BDH2: variants seen among roughly 807,000 people sequenced by gnomAD.
BDH2 encodes the protein 3-hydroxybutyrate dehydrogenase 2, also known as dehydrogenase/reductase SDR family member 6.
A neutral mutation model predicts 33.2 loss-of-function variants in BDH2; 24 were observed. The observed-to-expected ratio is 0.72, with a 90% confidence interval of 0.52 to 1.02. The LOEUF (loss-of-function observed/expected upper bound fraction) is 1.02, where lower values mean the gene tolerates loss of function less well. BDH2 is among the 50% of genes least tolerant of loss of function. BDH2 has a pLI of 0.00. For synonymous variants in BDH2, 81 were observed against 101.6 expected (o/e 0.80, Z 1.22); for missense variants, 249 against 301.6 (o/e 0.83, Z 1.29).
At chr4:103,085,549 G>T in intron 6 of BDH2, 87 bp from the exon 7 acceptor site, 1 of 1,428,642 alleles carries the variant, frequency 7.0e-7, no homozygotes, top group Non-Finnish European at 9.6e-7. Flanking sequence ...TTTCCCAGTA[G>T]CCATTTTCAT....
intron 9 of BDH2, 131 bp from the exon 10 acceptor site, chr4:103,079,886 T>G: frequency 1.3e-6 from 1 of 776,730 alleles, no homozygotes; most frequent in South Asian, 1.7e-5. Flanking sequence ...CTTAAACACT[T>G]AATTCAGGGA....
chr4:103,098,327 G>A (rs1440768122), intron 1 of BDH2, among the ~76,000 whole-genome samples: 1 of 152,200 alleles, frequency 6.6e-6, no homozygotes, highest in Non-Finnish European at 1.5e-5. Flanking sequence ...TTGCAGCTAT[G>A]AATTCAAACC....
intron 4 of BDH2, 129 bp downstream of exon 4, chr4:103,092,471 C>T (rs1578508146): frequency 1.5e-6 from 1 of 668,366 alleles, no homozygotes; most frequent in Non-Finnish European, 2.6e-6. Context: ...TGTGTAAAAT[C>T]TAGCCATATT....
intron 1 of BDH2, chr4:103,099,028 A>G (rs1413650851): frequency 6.6e-6 from 1 of 152,198 alleles, no homozygotes; most frequent in East Asian, 1.9e-4. Flanking sequence ...AAAGATAAAC[A>G]TGGAATGTTT....
At chr4:103,085,497 A>G in intron 6 of BDH2, 35 bp from the exon 7 acceptor site, 1 of 1,559,662 alleles carries the variant, frequency 6.4e-7, no homozygotes, top group Non-Finnish European at 8.8e-7. Context: ...AATTGAAGGA[A>G]TAAAAAATGT....
intron 1 of BDH2, among the ~76,000 whole-genome samples, chr4:103,097,264 C>T (rs1172267939): frequency 1.3e-5 from 2 of 152,124 alleles, no homozygotes; most frequent in Non-Finnish European, 2.9e-5. Context: ...ACAATGCTGC[C>T]GATCCTCTTA....
At position 103,097,952 on chromosome 4, in the gene BDH2, C is replaced by CT. The variant is rs879487582; in HGVS notation, c.-20-1679dup. On this transcript the variant is annotated intron_variant, in intron 1 of 9. Transcript: ENST00000296424. ...TATTTCAGTTCTCTCTTTAGCCAAA[C>CT]TTTTTTTTTTTTATACCCAATATGC... is the stretch of plus-strand genomic sequence containing the variant. Among the ~76,000 whole-genome samples the CT allele has an allele frequency of 3.6e-3, 525 of 147,504 alleles. 3 individuals are homozygous for CT. Among genetic ancestry groups the CT allele is most frequent in the African/African-American group, 0.012 (478 of 40,438 alleles).
At chr4:103,081,992 A>G in intron 9 of BDH2, 89 bp downstream of exon 9, 1 of 1,076,006 alleles carries the variant, frequency 9.3e-7, no homozygotes, top group Non-Finnish European at 1.4e-6. Context: ...TATATGCCAC[A>G]AACTCTCTAA....
chr4:103,081,292 T>A (rs1276882797), intron 9 of BDH2, among the ~76,000 whole-genome samples: 1 of 152,196 alleles, frequency 6.6e-6, no homozygotes, highest in Non-Finnish European at 1.5e-5. Flanking sequence ...CAAGTAAGAA[T>A]TTTTAAAAAT....
chr4:103,083,423 T>C (rs747223624), intron 7 of BDH2, among the ~76,000 whole-genome samples: 2 of 152,220 alleles, frequency 1.3e-5, no homozygotes, highest in Non-Finnish European at 2.9e-5. Flanking sequence ...TCCTTGGTAA[T>C]TCAGGTGGCG....
At chr4:103,099,581 T>C (rs1471660057) in intron 1 of BDH2, among the ~76,000 whole-genome samples, 1 of 152,184 alleles carries the variant, frequency 6.6e-6, no homozygotes, top group Admixed American at 6.5e-5. Context: ...TAGGATACCG[T>C]AAGAATCCTT....
Position 103,096,250 on chromosome 4 carries a change from C to T in BDH2, c.5G>A (p.Gly2Asp). The T allele has an allele frequency of 6.2e-7, 1 of 1,613,552 alleles. No homozygotes were observed. The highest frequency in any genetic ancestry group is 1.7e-5 in the Admixed American group (1 of 59,998). The change falls in exon 2 of 10, where the codon GGT becomes GAT. Residue 2 changes from glycine to aspartate, a missense_variant. Physicochemically the swap from Gly to Asp is moderately conservative, Grantham distance 94. Coordinates refer to ENST00000296424, the MANE Select transcript of BDH2 (RefSeq NM_020139.4). M[G>D]RLDGKVIILT... Reference sequence around the variant, plus strand: ...GATGATGACTTTCCCATCAAGTCGACCCATAATGGAACCTGTGGTTTAATC... The same window carrying T: ...GATGATGACTTTCCCATCAAGTCGATCCATAATGGAACCTGTGGTTTAATC...
intron 5 of BDH2, among the ~76,000 whole-genome samples, chr4:103,090,446 G>A (rs2060671406): frequency 6.6e-6 from 1 of 152,230 alleles, no homozygotes; most frequent in African/African-American, 2.4e-5. Flanking sequence ...ATCAAAACAA[G>A]AGCGAAGGGA....
At position 103,095,281 on chromosome 4, in the gene BDH2, C is replaced by T. The variant is rs373181736; in HGVS notation, c.73G>A (p.Ala25Thr). Residue 25 changes from alanine (A) to threonine (T), a missense_variant and splice_region_variant, in exon 3 of 10, where the codon GCT becomes ACT. Transcript: ENST00000296424. The stretch of plus-strand genomic sequence containing the variant: ...ACTTTGGCACCTTCTCTTGCAAAAG[C>T]CTAGTAGACACAAAGTACAAATAAA... ...AQGIGQAAAL[A>T]FAREGAKVIA... The T allele has an allele frequency of 6.2e-7, 1 of 1,611,702 alleles. No individual in the cohort carries two copies. The highest frequency in any genetic ancestry group is 8.5e-7 in the Non-Finnish European group (1 of 1,178,004).
rs1470840985 is a variant in BDH2, at chr4:103,082,073, G to A, written c.684+8C>T. The A allele has an allele frequency of 1.2e-6, 2 of 1,611,212 alleles. No individual in the cohort carries two copies. The highest frequency in any genetic ancestry group is 4.5e-5 in the East Asian group (2 of 44,874). ...GGTAATGAACTCCTTGGGAAGAATAGTGCTTACTTCATCAGAAGCCAAATA... is the reference window on the plus strand; with the variant it reads ...GGTAATGAACTCCTTGGGAAGAATAATGCTTACTTCATCAGAAGCCAAATA... On this transcript the variant is annotated splice_region_variant and intron_variant, in intron 9 of 9. Coordinates refer to ENST00000296424, the MANE Select transcript of BDH2 (RefSeq NM_020139.4).
chr4:103,083,727 C>T (rs1275198031), intron 7 of BDH2, among the ~76,000 whole-genome samples: 1 of 152,124 alleles, frequency 6.6e-6, no homozygotes, highest in East Asian at 1.9e-4. Flanking sequence ...GAGGTTGTAA[C>T]AAATGGTTTT....
chr4:103,081,070 T>G (rs1387867756), intron 9 of BDH2, among the ~76,000 whole-genome samples: 1 of 152,200 alleles, frequency 6.6e-6, no homozygotes, highest in Non-Finnish European at 1.5e-5. Context: ...TCCCCTTTCC[T>G]TCCCTCTTCT....
At chr4:103,091,087 A>T in intron 5 of BDH2, 90 bp downstream of exon 5, 2 of 704,714 alleles carry the variant, frequency 2.8e-6, no homozygotes, top group Non-Finnish European at 5.0e-6. Context: ...AGTTATTATC[A>T]CTCTTCAGCA....
intron 5 of BDH2, among the ~76,000 whole-genome samples, 180 bp downstream of exon 5, chr4:103,090,997 G>A (rs1405328349): frequency 1.3e-5 from 2 of 152,134 alleles, no homozygotes; most frequent in Admixed American, 1.3e-4. Context: ...TTCCTTGAGT[G>A]GATGAGCTGG....
Sources: gnomAD v4.1 joint callset for allele counts (sites outside exome capture counted in the v4.1 genomes callset) on GRCh38, gnomAD v4.1.1 for gene constraint, MANE v1.5 for transcripts, NCBI Gene and HGNC (gene_info 2026-07-23, HGNC 2026-07-21) for gene names.